The following XYLT1 variants were observed in gnomAD, a reference collection of about 807,000 sequenced individuals.
The protein encoded by XYLT1 is beta-D-xylosyltransferase 1.
Under a neutral mutation model 91.3 loss-of-function variants are expected in XYLT1, and 36 were observed. The observed-to-expected ratio is 0.39, with a 90% CI of 0.30 to 0.52. The LOEUF (loss-of-function observed/expected upper bound fraction) is 0.52. XYLT1 is among the 20% of genes least tolerant of loss of function. The probability of loss-of-function intolerance (pLI) is 0.68; values close to 1 mark genes in which losing one functional copy is unlikely to be tolerated. For missense variants in XYLT1, 1,242 were observed against 1,284.5 expected, an observed-to-expected ratio of 0.97 and a Z score of 0.51; for synonymous variants, 588 against 532.0, an observed-to-expected ratio of 1.11 and a Z score of -1.45.
At chr16:17,246,399 C>T (rs1036901751) in intron 3 of XYLT1, among the ~76,000 whole-genome samples, 1 of 152,186 alleles carries the variant, frequency 6.6e-6, no homozygotes, top group African/African-American at 2.4e-5. Flanking sequence ...TGTTGATTAA[C>T]ATGCAGTGCA....
intron 2 of XYLT1, among the ~76,000 whole-genome samples, chr16:17,262,520 G>C (rs2033738732): frequency 6.6e-6 from 1 of 152,176 alleles, no homozygotes; most frequent in African/African-American, 2.4e-5. Flanking sequence ...TGTCGGGATG[G>C]AGCTGATGGG....
chr16:17,197,995 T>C, intron 5 of XYLT1: 1 of 603,680 alleles, frequency 1.7e-6, no homozygotes, highest in Non-Finnish European at 2.9e-6. Flanking sequence ...GCATATCAGC[T>C]AATAGAGCTG....
chr16:17,307,892 G>A (rs747961377), intron 2 of XYLT1, among the ~76,000 whole-genome samples: 2 of 152,162 alleles, frequency 1.3e-5, no homozygotes, highest in Non-Finnish European at 2.9e-5. Flanking sequence ...ACCTTCCTCT[G>A]CTGGGGTCTG....
intron 3 of XYLT1, among the ~76,000 whole-genome samples, chr16:17,205,796 T>C (rs1467523280): frequency 6.6e-6 from 1 of 152,088 alleles, no homozygotes. Context: ...TAATAACAAA[T>C]GTGAAGGAGC....
At chr16:17,401,513 T>C (rs2035969018) in intron 1 of XYLT1, among the ~76,000 whole-genome samples, 1 of 152,216 alleles carries the variant, frequency 6.6e-6, no homozygotes, top group Non-Finnish European at 1.5e-5. Flanking sequence ...AGGAAAGGGA[T>C]GGCTTCTTCA....
chr16:17,138,749 C>T, intron 7 of XYLT1: 1 of 521,086 alleles, frequency 1.9e-6, no homozygotes, highest in Non-Finnish European at 3.4e-6. Flanking sequence ...CTCAGATTTT[C>T]CTTCATAGCA....
intron 2 of XYLT1, among the ~76,000 whole-genome samples, chr16:17,322,230 C>A (rs2034734845): frequency 6.6e-6 from 1 of 152,110 alleles, no homozygotes; most frequent in Non-Finnish European, 1.5e-5. Flanking sequence ...TAGATTTTAG[C>A]CTATTCTGTT....
intron 6 of XYLT1, among the ~76,000 whole-genome samples, chr16:17,146,407 A>G (rs1474237986): frequency 6.6e-6 from 1 of 152,162 alleles, no homozygotes; most frequent in African/African-American, 2.4e-5. Context: ...CAAAATGTTA[A>G]GGAGTCCTCT....
At chr16:17,158,751 A>G (rs1248617801) in intron 6 of XYLT1, 78 bp downstream of exon 6, 12 of 1,510,736 alleles carry the variant, frequency 7.9e-6, no homozygotes, top group Non-Finnish European at 1.0e-5. Context: ...GCTGCATGAA[A>G]CCAGCCTAGA....
chr16:17,214,545 T>C (rs2032820210), intron 3 of XYLT1, among the ~76,000 whole-genome samples: 1 of 152,108 alleles, frequency 6.6e-6, no homozygotes, highest in South Asian at 2.1e-4. Context: ...AGTGATGGTG[T>C]TTTACGCCAC....
chr16:17,284,474 T>C (rs2034105202), intron 2 of XYLT1, among the ~76,000 whole-genome samples: 1 of 152,170 alleles, frequency 6.6e-6, no homozygotes, highest in African/African-American at 2.4e-5. Context: ...TAAAGAAAGA[T>C]AAGACAGGAG....
chr16:17,311,329 G>C (rs2034544757), intron 2 of XYLT1, among the ~76,000 whole-genome samples: 1 of 152,200 alleles, frequency 6.6e-6, no homozygotes, highest in South Asian at 2.1e-4. Context: ...GTTCATGTGA[G>C]CAGCCTCGTG....
intron 2 of XYLT1, among the ~76,000 whole-genome samples, chr16:17,298,478 G>A (rs1307213043): frequency 6.6e-6 from 1 of 152,178 alleles, no homozygotes; most frequent in African/African-American, 2.4e-5. Flanking sequence ...CTATTGAGTG[G>A]AGGACTGCAG....
chr16:17,301,283 G>A (rs1047579617), intron 2 of XYLT1, among the ~76,000 whole-genome samples: 19 of 152,004 alleles, frequency 1.2e-4, no homozygotes, highest in African/African-American at 3.6e-4. Context: ...GGTGGCGGGC[G>A]CCTATAATCC....
Position 17,325,947 on chromosome 16 carries a change from G to A in XYLT1, c.402+32065C>T, listed in dbSNP as rs150793063. ...TATGTTCAGGAGGGACCTGAGATCC[G>A]TGTTCCGCTTGTCTGAATCTGCCAT... is the stretch of plus-strand genomic sequence containing the variant. On this transcript the variant is annotated intron_variant, in intron 2 of 11. Transcript: ENST00000261381. 1.4e-3 allele frequency among the ~76,000 whole-genome samples: 218 copies of A among 152,316 alleles called. 2 individuals are homozygous for A. Among genetic ancestry groups the A allele is most frequent in the African/African-American group, 5.0e-3 (206 of 41,556 alleles).
Position 17,470,641 on chromosome 16 carries a change from G to T in XYLT1, c.156C>A (p.Gly52=), listed in dbSNP as rs909097415. ...GGGCCGGGGGCGGCTGCTCCCCGCC[G>T]CCGACCGCTGCGCCCCCGCGGCGCT... ...AGERRGGAAV[G]GGEQPPPAPA... Residue 52 remains glycine (G), a synonymous_variant, in exon 1 of 12, where the codon GGC becomes GGA. Transcript: ENST00000261381. The T allele has an allele frequency of 1.8e-6, 2 of 1,109,028 alleles. No individual in the cohort carries two copies. Among genetic ancestry groups the T allele is most frequent in the African/African-American group, 3.4e-5 (2 of 59,018 alleles). 68.7% of individuals were successfully genotyped at this position (1,109,028 alleles called of 1,614,324 possible).
chr16:17,288,994 G>A (rs1284695036), intron 2 of XYLT1, among the ~76,000 whole-genome samples: 1 of 152,204 alleles, frequency 6.6e-6, no homozygotes, highest in Non-Finnish European at 1.5e-5. Context: ...AAAGTCACTT[G>A]TCTAAGGCAA....
At chr16:17,280,196 CA>C (rs1171771906) in intron 2 of XYLT1, among the ~76,000 whole-genome samples, 1 of 152,104 alleles carries the variant, frequency 6.6e-6, no homozygotes, top group East Asian at 1.9e-4. Flanking sequence ...AATAAAGCTA[CA>C]AAAATTATCC....
chr16:17,335,636 G>T (rs1026681095), intron 2 of XYLT1, among the ~76,000 whole-genome samples: 2 of 150,690 alleles, frequency 1.3e-5, no homozygotes, highest in East Asian at 3.9e-4. Flanking sequence ...AGAAGTTGCA[G>T]TGAGCCGAGA....
Sources: allele counts gnomAD v4.1 joint callset (sites outside exome capture counted in the v4.1 genomes callset), GRCh38; gene constraint gnomAD v4.1.1; transcripts MANE v1.5; gene names NCBI Gene and HGNC (gene_info 2026-07-23, HGNC 2026-07-21).